The following TENM3 variants were observed in gnomAD, a reference collection of about 807,000 sequenced individuals.
TENM3 encodes teneurin-3.
TENM3 carries 63 observed loss-of-function variants against 255.1 expected under a neutral mutation model. The ratio of observed to expected loss-of-function variants is 0.25; its 90% CI spans 0.20 to 0.30. The LOEUF is 0.30. Among genes scored for constraint, TENM3 ranks in the 10% least tolerant of loss-of-function variants. The pLI is 1.00. For synonymous variants in TENM3, 1,306 were observed against 1,322.3 expected, an observed-to-expected ratio of 0.99 and a Z score of 0.27; for missense variants, 2,929 against 3,461.1, an observed-to-expected ratio of 0.85 and a Z score of 3.86.
chr4:182,784,366 A>G (rs372146343), intron 24 of TENM3, among the ~76,000 whole-genome samples: 3,900 of 150,530 alleles, frequency 0.026, 76 homozygotes, highest in South Asian at 0.041. Flanking sequence ...TAGGCTGCTC[A>G]GGGGTCAGGG....
At chr4:182,420,118 A>G (rs1770713842) in intron 3 of TENM3, among the ~76,000 whole-genome samples, 1 of 152,080 alleles carries the variant, frequency 6.6e-6, no homozygotes, top group Non-Finnish European at 1.5e-5. Context: ...AGCTATAGAA[A>G]TAGAATTTGA....
chr4:182,175,314 A>AAAAAT (rs60217194), intron 1 of TENM3, among the ~76,000 whole-genome samples: 84 of 117,568 alleles, frequency 7.1e-4, no homozygotes, highest in Middle Eastern at 4.5e-3. Context: ...AAAAAAAAAA[A>AAAAAT]ATATATATAT....
chr4:182,455,978 C>G (rs1335453288), intron 3 of TENM3, among the ~76,000 whole-genome samples: 4 of 152,184 alleles, frequency 2.6e-5, no homozygotes, highest in Admixed American at 1.3e-4. Context: ...TCTGTCTCCC[C>G]CACTAGGGGG....
intron 3 of TENM3, among the ~76,000 whole-genome samples, chr4:182,539,176 C>G (rs757319068): frequency 5.3e-5 from 8 of 150,734 alleles, no homozygotes; most frequent in Non-Finnish European, 7.4e-5. Flanking sequence ...TGAGAAGGTA[C>G]AAGCAGAAGG....
chr4:182,299,015 AAG>A, intron 1 of TENM3, among the ~76,000 whole-genome samples: 1 of 140,814 alleles, frequency 7.1e-6, no homozygotes. Flanking sequence ...AAAAAAAAAA[AAG>A]AGGTAATGGA....
chr4:181,780,269 C>G, the TENM3 span, among the ~76,000 whole-genome samples: 459 of 152,248 alleles, frequency 3.0e-3, 2 homozygotes, highest in Middle Eastern at 6.8e-3. Flanking sequence ...TAAAAGTGTT[C>G]CTATTTCTCC....
chr4:181,548,279 A>G, the TENM3 span, among the ~76,000 whole-genome samples: 1 of 152,198 alleles, frequency 6.6e-6, no homozygotes, highest in African/African-American at 2.4e-5. Context: ...TGGAACTAGA[A>G]ATTCCATTTG....
the TENM3 span, among the ~76,000 whole-genome samples, chr4:181,986,704 T>A: frequency 6.6e-6 from 1 of 152,080 alleles, no homozygotes; most frequent in Non-Finnish European, 1.5e-5. Context: ...AGGTTCCAGT[T>A]CTTGGTCGAA....
At chr4:182,150,140 C>T (rs1750238469) in intron 1 of TENM3, among the ~76,000 whole-genome samples, 1 of 151,452 alleles carries the variant, frequency 6.6e-6, no homozygotes, top group Non-Finnish European at 1.5e-5. Flanking sequence ...TAATAATAAC[C>T]AGCTATTTTA....
chr4:181,463,607 A>G, the TENM3 span, among the ~76,000 whole-genome samples: 2 of 152,178 alleles, frequency 1.3e-5, no homozygotes, highest in Non-Finnish European at 2.9e-5. Flanking sequence ...GGTTGTTGTC[A>G]TTGTTGGTAG....
At chr4:181,521,130 T>C in the TENM3 span, among the ~76,000 whole-genome samples, 7 of 152,198 alleles carry the variant, frequency 4.6e-5, no homozygotes, top group South Asian at 1.5e-3. Context: ...AGGCTTAATT[T>C]GAGCAGCCAT....
chr4:181,959,397 G>T, the TENM3 span, among the ~76,000 whole-genome samples: 1 of 152,156 alleles, frequency 6.6e-6, no homozygotes, highest in African/African-American at 2.4e-5. Context: ...GTCTGACACA[G>T]CCCCTGTTTC....
chr4:181,889,180 G>A, the TENM3 span, among the ~76,000 whole-genome samples: 1 of 152,198 alleles, frequency 6.6e-6, no homozygotes, highest in African/African-American at 2.4e-5. Context: ...CCGGTGGGGG[G>A]GATATTGCAT....
At chr4:182,265,040 GA>G (rs1759155367) in intron 1 of TENM3, among the ~76,000 whole-genome samples, 1 of 151,664 alleles carries the variant, frequency 6.6e-6, no homozygotes, top group Non-Finnish European at 1.5e-5. Context: ...GACTCCTTGA[GA>G]AAAACAGAGG....
chr4:181,815,380 T>G, the TENM3 span, among the ~76,000 whole-genome samples: 2 of 147,220 alleles, frequency 1.4e-5, no homozygotes, highest in African/African-American at 5.1e-5. Context: ...AAGAATTGCT[T>G]GAAACCTGGG....
intron 1 of TENM3, among the ~76,000 whole-genome samples, chr4:182,185,669 A>G (rs1753107645): frequency 6.6e-6 from 1 of 152,156 alleles, no homozygotes; most frequent in Non-Finnish European, 1.5e-5. Context: ...AGAGCACTGT[A>G]TGTACTTGGT....
the TENM3 span, among the ~76,000 whole-genome samples, chr4:181,671,804 T>C: frequency 6.6e-6 from 1 of 152,012 alleles, no homozygotes; most frequent in Admixed American, 6.6e-5. Flanking sequence ...ACCTGGTAGC[T>C]CTGGTTCATA....
intron 1 of TENM3, among the ~76,000 whole-genome samples, chr4:182,177,956 TTG>T (rs1465052421): frequency 4.1e-5 from 4 of 97,196 alleles, no homozygotes; most frequent in African/African-American, 1.6e-4. Flanking sequence ...GTTTTGGTTT[TTG>T]TTTTTTTTTT....
the TENM3 span, among the ~76,000 whole-genome samples, chr4:181,569,326 A>C: frequency 4.0e-5 from 6 of 149,390 alleles, no homozygotes; most frequent in Non-Finnish European, 7.4e-5. Context: ...TGACCACGAT[A>C]AGCCTGGAAA....
Sources: allele counts gnomAD v4.1 joint callset (sites outside exome capture counted in the v4.1 genomes callset), GRCh38; gene constraint gnomAD v4.1.1; transcripts MANE v1.5; gene names NCBI Gene and HGNC (gene_info 2026-07-23, HGNC 2026-07-21).